Variants in SNTG1 observed in about 807,000 individuals in gnomAD.
The protein encoded by SNTG1 is syntrophin gamma 1, also known as gamma-1-syntrophin.
In SNTG1, 39 loss-of-function variants were observed where a neutral mutation model predicts 74.7. The ratio of observed to expected loss-of-function variants is 0.52; its 90% CI spans 0.40 to 0.68. SNTG1 has a LOEUF of 0.68. SNTG1 is among the 30% of genes least tolerant of loss of function. SNTG1 has a pLI of 0.00. For missense variants in SNTG1, 685 were observed against 609.5 expected, an observed-to-expected ratio of 1.12 and a Z score of -1.30; for synonymous variants, 254 against 217.1, an observed-to-expected ratio of 1.17 and a Z score of -1.49.
chr8:50,177,328 C>G (rs1474235670), intron 2 of SNTG1, among the ~76,000 whole-genome samples: 1 of 152,124 alleles, frequency 6.6e-6, no homozygotes, highest in Non-Finnish European at 1.5e-5. Context: ...TTTCAGGTGT[C>G]TTCCTTGCCT....
intron 15 of SNTG1, among the ~76,000 whole-genome samples, chr8:50,661,675 A>G (rs1227024937): frequency 1.3e-5 from 2 of 152,038 alleles, no homozygotes; most frequent in East Asian, 1.9e-4. Flanking sequence ...TGTATTAGGT[A>G]TTTGTCCTAA....
Position 50,067,001 on chromosome 8 carries a change from A to C in SNTG1, c.-102-105560A>C, listed in dbSNP as rs142256809. On this transcript the variant is annotated intron_variant, in intron 1 of 18. Coordinates refer to ENST00000642720, the MANE Select transcript of SNTG1 (RefSeq NM_018967.5). ...ATGCACACCATGAATATCATTAACCATCACTTATTCTTTCGTCAGTTCTTT... is the reference window on the plus strand; with the variant it reads ...ATGCACACCATGAATATCATTAACCCTCACTTATTCTTTCGTCAGTTCTTT... Among the ~76,000 whole-genome samples, 253 of 152,350 alleles carry C rather than the reference A, an allele frequency of 1.7e-3. 2 individuals carry two copies. Among genetic ancestry groups the C allele is most frequent in the African/African-American group, 5.8e-3 (241 of 41,586 alleles).
At chr8:50,084,392 G>A (rs751041832) in intron 1 of SNTG1, among the ~76,000 whole-genome samples, 17 of 152,070 alleles carry the variant, frequency 1.1e-4, no homozygotes, top group African/African-American at 3.6e-4. Context: ...TCCTGAAGGC[G>A]GAGGTTGCAG....
intron 1 of SNTG1, among the ~76,000 whole-genome samples, chr8:49,960,307 A>G (rs1238467296): frequency 2.0e-5 from 3 of 152,204 alleles, no homozygotes; most frequent in Non-Finnish European, 1.5e-5. Flanking sequence ...GTTAACATTG[A>G]ATATTTTGGA....
intron 3 of SNTG1, 88 bp downstream of exon 3, chr8:50,394,353 C>CCAAAAGCAGAA: frequency 1.5e-6 from 2 of 1,371,934 alleles, no homozygotes; most frequent in Non-Finnish European, 2.0e-6. Flanking sequence ...GGAAATTCTG[C>CCAAAAGCAGAA]TTTTGGCAGA....
intron 1 of SNTG1, among the ~76,000 whole-genome samples, chr8:49,995,886 G>GT: frequency 6.6e-6 from 1 of 152,236 alleles, no homozygotes; most frequent in African/African-American, 2.4e-5. Context: ...ATGCCCTAAA[G>GT]TTTTTTCTCA....
intron 1 of SNTG1, among the ~76,000 whole-genome samples, chr8:50,096,331 G>A (rs1343027536): frequency 6.6e-6 from 1 of 152,126 alleles, no homozygotes; most frequent in Non-Finnish European, 1.5e-5. Context: ...TTGTTTCATT[G>A]ATTTTTTTGG....
At chr8:50,142,672 A>C (rs961718911) in intron 1 of SNTG1, among the ~76,000 whole-genome samples, 2 of 152,138 alleles carry the variant, frequency 1.3e-5, no homozygotes, top group Non-Finnish European at 2.9e-5. Context: ...AATGGCTTGC[A>C]TTTTTACTTT....
chr8:50,733,541 C>A (rs1251969667), intron 17 of SNTG1, among the ~76,000 whole-genome samples: 1 of 152,016 alleles, frequency 6.6e-6, no homozygotes, highest in Non-Finnish European at 1.5e-5. Flanking sequence ...AATTTACATT[C>A]CCACCAACAG....
chr8:50,221,720 T>C (rs2085079040), intron 2 of SNTG1, among the ~76,000 whole-genome samples: 1 of 152,190 alleles, frequency 6.6e-6, no homozygotes, highest in African/African-American at 2.4e-5. Context: ...ATGGAGTACA[T>C]AGTCATGTTT....
chr8:50,393,488 T>C (rs1400639810), intron 2 of SNTG1, among the ~76,000 whole-genome samples: 1 of 152,210 alleles, frequency 6.6e-6, no homozygotes, highest in Non-Finnish European at 1.5e-5. Context: ...CTTTGTTTTA[T>C]AGTGTCTGGG....
intron 12 of SNTG1, among the ~76,000 whole-genome samples, chr8:50,564,202 G>A (rs995377191): frequency 1.3e-5 from 2 of 151,478 alleles, no homozygotes; most frequent in Non-Finnish European, 2.9e-5. Context: ...TGTCCTGGTC[G>A]CTGTCTCTGG....
chr8:50,202,011 T>C (rs2084005855), intron 2 of SNTG1, among the ~76,000 whole-genome samples: 1 of 152,280 alleles, frequency 6.6e-6, no homozygotes, highest in Non-Finnish European at 1.5e-5. Context: ...CTTTATCAAA[T>C]ACAGCACCGT....
intron 13 of SNTG1, among the ~76,000 whole-genome samples, chr8:50,642,181 A>G (rs1004487151): frequency 5.3e-5 from 8 of 151,960 alleles, no homozygotes; most frequent in Non-Finnish European, 1.2e-4. Context: ...TTCCATTTTT[A>G]TTTCACACCA....
At chr8:50,498,168 T>C (rs2093920496) in intron 8 of SNTG1, among the ~76,000 whole-genome samples, 1 of 151,960 alleles carries the variant, frequency 6.6e-6, no homozygotes, top group Non-Finnish European at 1.5e-5. Context: ...CTTGTTTCAA[T>C]TTTATGAAAT....
intron 9 of SNTG1, among the ~76,000 whole-genome samples, chr8:50,504,975 C>A (rs1191705018): frequency 6.6e-6 from 1 of 151,864 alleles, no homozygotes; most frequent in African/African-American, 2.4e-5. Context: ...AATTCTATAC[C>A]CCTTAAACAA....
chr8:49,927,114 A>G (rs1212217311), intron 1 of SNTG1, among the ~76,000 whole-genome samples: 2 of 152,232 alleles, frequency 1.3e-5, no homozygotes, highest in Non-Finnish European at 2.9e-5. Context: ...CAAAATGTTG[A>G]CAAGAATGTG....
chr8:50,442,546 G>A (rs897556490), intron 5 of SNTG1, among the ~76,000 whole-genome samples: 1 of 152,004 alleles, frequency 6.6e-6, no homozygotes, highest in African/African-American at 2.4e-5. Context: ...CACTCCTGCT[G>A]TAACTTTTGG....
intron 1 of SNTG1, among the ~76,000 whole-genome samples, chr8:50,063,809 G>A (rs547509493): frequency 1.3e-5 from 2 of 152,134 alleles, no homozygotes; most frequent in Non-Finnish European, 2.9e-5. Context: ...CAAAGTAAAG[G>A]TAAACTTAAC....
Sources: gnomAD v4.1 joint callset for allele counts (sites outside exome capture counted in the v4.1 genomes callset) on GRCh38, gnomAD v4.1.1 for gene constraint, MANE v1.5 for transcripts, NCBI Gene and HGNC (gene_info 2026-07-23, HGNC 2026-07-21) for gene names.